The following ZFHX3 variants were observed in gnomAD, a reference collection of about 807,000 sequenced individuals.
ZFHX3 encodes the protein zinc finger homeobox protein 3.
Under a neutral mutation model 279.1 loss-of-function variants are expected in ZFHX3, and 42 were observed. That is an observed-to-expected ratio of 0.15 (90% CI 0.12 to 0.19). ZFHX3 has a LOEUF of 0.19. ZFHX3 is among the 10% of genes least tolerant of loss of function. The pLI is 1.00. For synonymous variants in ZFHX3, 2,293 were observed against 1,957.8 expected, an observed-to-expected ratio of 1.17 and a Z score of -4.52; for missense variants, 4,981 against 4,754.0, an observed-to-expected ratio of 1.05 and a Z score of -1.40.
At chr16:73,722,523 G>A (rs2053483323) in intron 1 of ZFHX3, among the ~76,000 whole-genome samples, 1 of 152,192 alleles carries the variant, frequency 6.6e-6, no homozygotes, top group Admixed American at 6.5e-5. Context: ...ATTCAGAGAA[G>A]ATAGTTCAAA....
In ZFHX3 at chr16:72,782,976, C is replaced by T. The variant is rs1251828013; in HGVS notation, c.*4188G>A. 1 of 152,436 alleles carries T rather than the reference C, an allele frequency of 6.6e-6. No individual in the cohort carries two copies. Among genetic ancestry groups the T allele is most frequent in the African/African-American group, 2.4e-5 (1 of 41,368 alleles). 9.4% of individuals were successfully genotyped at this position (152,436 alleles called of 1,614,324 possible). A position where few individuals can be genotyped will look rare whatever the true frequency, so the allele number is the denominator to read the frequency against. On this transcript the variant is annotated 3_prime_UTR_variant, in exon 10 of 10. Transcript: ENST00000268489. The stretch of plus-strand genomic sequence containing the variant: ...AAGGAGTATATTCAATTACCATCTA[C>T]AATCAACTTAACTATGACAACAAAG...
At chr16:73,013,168 C>T (rs1286963704) in intron 1 of ZFHX3, among the ~76,000 whole-genome samples, 1 of 152,226 alleles carries the variant, frequency 6.6e-6, no homozygotes, top group East Asian at 1.9e-4. Flanking sequence ...ACAGACTGCC[C>T]ATCTGTGCCC....
At chr16:73,533,218 G>T (rs1368262942) in intron 2 of ZFHX3, among the ~76,000 whole-genome samples, 2 of 151,360 alleles carry the variant, frequency 1.3e-5, no homozygotes, top group Admixed American at 6.6e-5. Flanking sequence ...CACTTTTTGC[G>T]GAGGGCTTGG....
intron 3 of ZFHX3, chr16:73,400,710 A>T (rs942638286): frequency 1.3e-5 from 2 of 152,184 alleles, no homozygotes; most frequent in African/African-American, 4.8e-5. Flanking sequence ...ACAAACAAAC[A>T]GACATTTGCC....
At chr16:73,706,715 G>A (rs1288999011) in intron 1 of ZFHX3, among the ~76,000 whole-genome samples, 1 of 152,056 alleles carries the variant, frequency 6.6e-6, no homozygotes, top group Admixed American at 6.6e-5. Flanking sequence ...TGCCAAAGAT[G>A]TTTTCTTTAT....
intron 4 of ZFHX3, among the ~76,000 whole-genome samples, chr16:72,851,415 G>A (rs772557628): frequency 1.3e-5 from 2 of 152,188 alleles, no homozygotes; most frequent in African/African-American, 4.8e-5. Context: ...CTTCCAGAGA[G>A]AGTACTCTTG....
intron 1 of ZFHX3, among the ~76,000 whole-genome samples, chr16:73,781,823 C>G (rs376599099): frequency 6.6e-6 from 1 of 152,052 alleles, no homozygotes. Context: ...CCCGTCTCTA[C>G]TAAAAATACA....
At chr16:73,405,465 A>G (rs142004271) in intron 3 of ZFHX3, among the ~76,000 whole-genome samples, 88 of 152,342 alleles carry the variant, frequency 5.8e-4, no homozygotes, top group African/African-American at 1.9e-3. Flanking sequence ...CCTTATCTGT[A>G]TAAAGCAAAG....
intron 4 of ZFHX3, among the ~76,000 whole-genome samples, chr16:72,834,309 G>T (rs538446742): frequency 6.6e-6 from 1 of 152,276 alleles, no homozygotes; most frequent in South Asian, 2.1e-4. Context: ...GCTTCTCCCA[G>T]ATAGCACTTA....
chr16:73,299,434 T>C (rs1465356608), intron 4 of ZFHX3, among the ~76,000 whole-genome samples: 2 of 152,198 alleles, frequency 1.3e-5, no homozygotes, highest in African/African-American at 4.8e-5. Context: ...TTAAAATCCC[T>C]GACAGGGCCC....
At chr16:73,804,453 T>G (rs557550039) in intron 1 of ZFHX3, among the ~76,000 whole-genome samples, 1 of 152,198 alleles carries the variant, frequency 6.6e-6, no homozygotes, top group South Asian at 2.1e-4. Context: ...GTTTGTTGAA[T>G]GGATGAGCAT....
chr16:73,702,154 C>T (rs961027214), intron 1 of ZFHX3, among the ~76,000 whole-genome samples: 1 of 152,032 alleles, frequency 6.6e-6, no homozygotes, highest in African/African-American at 2.4e-5. Flanking sequence ...TGGGTAATAA[C>T]AACCGCACCC....
intron 4 of ZFHX3, among the ~76,000 whole-genome samples, chr16:73,269,532 C>A (rs913741755): frequency 1.5e-4 from 23 of 152,164 alleles, no homozygotes; most frequent in Non-Finnish European, 2.9e-5. Flanking sequence ...TATTTCATGG[C>A]ACGGATGTAC....
At chr16:73,427,499 G>A (rs913224789) in intron 3 of ZFHX3, among the ~76,000 whole-genome samples, 1 of 152,116 alleles carries the variant, frequency 6.6e-6, no homozygotes, top group Admixed American at 6.5e-5. Context: ...CCTCTTCCCA[G>A]CTTGCAAAAG....
Position 72,793,211 on chromosome 16 carries a change from G to T in ZFHX3, c.9427+44C>A, listed in dbSNP as rs1386478181. On this transcript the variant is annotated intron_variant, in intron 9 of 9. Coordinates refer to ENST00000268489, the MANE Select transcript of ZFHX3 (RefSeq NM_006885.4). The surrounding 1 kb of genome is among the most constrained non-coding windows in gnomAD (Gnocchi z 4.3). Reference sequence around the variant, plus strand: ...TATCCACATAACAGAATGCTGACTGGGCAGCTATTTAGCCCTGAAACAATC... The same window carrying T: ...TATCCACATAACAGAATGCTGACTGTGCAGCTATTTAGCCCTGAAACAATC... 2 of 1,553,308 alleles carry T rather than the reference G, an allele frequency of 1.3e-6. No individual in the cohort carries two copies. Among genetic ancestry groups the T allele is most frequent in the African/African-American group, 2.7e-5 (2 of 73,128 alleles).
intron 1 of ZFHX3, among the ~76,000 whole-genome samples, chr16:73,838,805 T>C (rs961679121): frequency 6.6e-6 from 1 of 151,758 alleles, no homozygotes; most frequent in African/African-American, 2.4e-5. Flanking sequence ...CGCGCACGCA[T>C]GTATGGTGTG....
At chr16:73,036,690 C>T (rs975828478) in intron 1 of ZFHX3, among the ~76,000 whole-genome samples, 4 of 152,076 alleles carry the variant, frequency 2.6e-5, no homozygotes, top group Non-Finnish European at 4.4e-5. Flanking sequence ...CCCCTCCCGG[C>T]GCTTTGATCC....
intron 2 of ZFHX3, among the ~76,000 whole-genome samples, chr16:73,552,493 G>A (rs908719079): frequency 1.3e-5 from 2 of 152,162 alleles, no homozygotes; most frequent in Non-Finnish European, 2.9e-5. Context: ...TAGAATCCAT[G>A]AAATTAATAA....
intron 7 of ZFHX3, chr16:72,809,217 G>C (rs1020175262): frequency 6.6e-6 from 1 of 152,218 alleles, no homozygotes; most frequent in Admixed American, 6.5e-5. Flanking sequence ...CAGTCATGTA[G>C]ATTACTATAG....
Sources: allele counts gnomAD v4.1 joint callset (sites outside exome capture counted in the v4.1 genomes callset), GRCh38; gene constraint gnomAD v4.1.1; non-coding constraint Gnocchi (gnomAD v3.1); transcripts MANE v1.5; gene names NCBI Gene and HGNC (gene_info 2026-07-23, HGNC 2026-07-21).